Variants in PTPRM observed in about 807,000 individuals in gnomAD.
PTPRM encodes protein tyrosine phosphatase receptor type M.
PTPRM carries 47 observed loss-of-function variants against 186.7 expected under a neutral mutation model. That is an observed-to-expected ratio of 0.25 (90% CI 0.20 to 0.32). The LOEUF is 0.32. Ranked by LOEUF, PTPRM falls within the 10% of genes least tolerant of loss-of-function variation. PTPRM has a pLI of 1.00. For missense variants in PTPRM, 1,494 were observed against 1,865.0 expected (o/e 0.80, Z 3.66); for synonymous variants, 668 against 674.9 (o/e 0.99, Z 0.16).
At chr18:7,656,873 A>G (rs577199826) in intron 1 of PTPRM, among the ~76,000 whole-genome samples, 114 of 152,180 alleles carry the variant, frequency 7.5e-4, no homozygotes, top group African/African-American at 2.5e-3. Flanking sequence ...TTGCAGTAGT[A>G]GCAGCTTTAT....
At chr18:8,353,393 G>T (rs1423257851) in intron 23 of PTPRM, among the ~76,000 whole-genome samples, 1 of 152,178 alleles carries the variant, frequency 6.6e-6, no homozygotes, top group East Asian at 1.9e-4. Context: ...TTAAGAAAAG[G>T]CTGAGAAAGG....
At chr18:8,231,270 T>C (rs1288965531) in intron 14 of PTPRM, among the ~76,000 whole-genome samples, 1 of 152,086 alleles carries the variant, frequency 6.6e-6, no homozygotes, top group Non-Finnish European at 1.5e-5. Context: ...TGAATGGCAA[T>C]AGACCAGGAC....
intron 7 of PTPRM, chr18:7,995,537 A>T (rs2083488451): frequency 6.6e-6 from 1 of 152,202 alleles, no homozygotes; most frequent in Admixed American, 6.5e-5. Context: ...AAATATTAAC[A>T]TAGTAAATCC....
At chr18:8,122,774 G>A (rs773880592) in intron 13 of PTPRM, among the ~76,000 whole-genome samples, 1 of 152,188 alleles carries the variant, frequency 6.6e-6, no homozygotes, top group Admixed American at 6.5e-5. Flanking sequence ...AATCTTGGCT[G>A]CCAGTAGTAT....
At chr18:8,305,915 T>G (rs2095216548) in intron 20 of PTPRM, among the ~76,000 whole-genome samples, 2 of 148,286 alleles carry the variant, frequency 1.3e-5, no homozygotes, top group African/African-American at 5.1e-5. Context: ...TTTTTTTTTT[T>G]GGATGGAGTT....
At chr18:7,613,296 A>G (rs898956389) in intron 1 of PTPRM, among the ~76,000 whole-genome samples, 1 of 152,054 alleles carries the variant, frequency 6.6e-6, no homozygotes, top group African/African-American at 2.4e-5. Flanking sequence ...ATACAATTTA[A>G]TCCTTAATTA....
chr18:8,234,442 C>T (rs1262740725), intron 14 of PTPRM, among the ~76,000 whole-genome samples: 2 of 152,132 alleles, frequency 1.3e-5, no homozygotes, highest in African/African-American at 4.8e-5. Context: ...TATCCTGCAA[C>T]CTTGCTACAT....
At chr18:8,147,112 A>T (rs1325039525) in intron 14 of PTPRM, among the ~76,000 whole-genome samples, 1 of 152,026 alleles carries the variant, frequency 6.6e-6, no homozygotes, top group Non-Finnish European at 1.5e-5. Flanking sequence ...CTTTTTACTT[A>T]GATTGTCTTG....
intron 31 of PTPRM, among the ~76,000 whole-genome samples, chr18:8,391,890 A>C (rs139722680): frequency 1.4e-3 from 220 of 152,232 alleles, no homozygotes; most frequent in Non-Finnish European, 2.8e-3. Flanking sequence ...TTGTATAAAT[A>C]AATCAATCTT....
chr18:7,632,530 G>A (rs575240331), intron 1 of PTPRM, among the ~76,000 whole-genome samples: 13 of 152,278 alleles, frequency 8.5e-5, no homozygotes, highest in East Asian at 1.9e-4. Context: ...ACTTGGTGTC[G>A]TTTCCATGAA....
intron 14 of PTPRM, among the ~76,000 whole-genome samples, chr18:8,157,447 A>T (rs1040219615): frequency 6.6e-6 from 1 of 152,128 alleles, no homozygotes; most frequent in Non-Finnish European, 1.5e-5. Context: ...TCCTTTTCCC[A>T]TGGAGAGCAT....
chr18:8,354,158 A>G (rs998923344), intron 23 of PTPRM, among the ~76,000 whole-genome samples: 1 of 151,780 alleles, frequency 6.6e-6, no homozygotes, highest in Non-Finnish European at 1.5e-5. Flanking sequence ...GGTTGCAGTG[A>G]GCCTAGATCG....
At chr18:7,914,888 T>C (rs2050465159) in intron 4 of PTPRM, among the ~76,000 whole-genome samples, 1 of 152,160 alleles carries the variant, frequency 6.6e-6, no homozygotes, top group African/African-American at 2.4e-5. Flanking sequence ...TTTATTCTGG[T>C]GGTTGGGCAT....
intron 7 of PTPRM, among the ~76,000 whole-genome samples, chr18:8,015,687 A>G (rs1185658980): frequency 6.6e-6 from 1 of 152,204 alleles, no homozygotes; most frequent in Non-Finnish European, 1.5e-5. Context: ...GTGTTGAAGA[A>G]AGAAATAATT....
At chr18:8,218,964 G>A (rs2094121620) in intron 14 of PTPRM, among the ~76,000 whole-genome samples, 1 of 152,220 alleles carries the variant, frequency 6.6e-6, no homozygotes, top group African/African-American at 2.4e-5. Flanking sequence ...AGAGAGGGCT[G>A]AGAGTGTGGA....
intron 2 of PTPRM, among the ~76,000 whole-genome samples, chr18:7,784,806 ACAT>A (rs2043020793): frequency 6.6e-6 from 1 of 152,222 alleles, no homozygotes; most frequent in Non-Finnish European, 1.5e-5. Context: ...ATTCAGGGAG[ACAT>A]CAGCCTGCAG....
At chr18:8,164,382 A>G (rs2093284446) in intron 14 of PTPRM, among the ~76,000 whole-genome samples, 1 of 152,258 alleles carries the variant, frequency 6.6e-6, no homozygotes, top group Admixed American at 6.5e-5. Flanking sequence ...AGGGACTCAA[A>G]CAAATATTTG....
intron 5 of PTPRM, among the ~76,000 whole-genome samples, chr18:7,929,928 C>G (rs576599414): frequency 6.6e-6 from 1 of 152,176 alleles, no homozygotes; most frequent in Non-Finnish European, 1.5e-5. Context: ...CAAAATAATC[C>G]TGAGATCCAG....
At chr18:8,173,189 G>A (rs1357809258) in intron 14 of PTPRM, among the ~76,000 whole-genome samples, 1 of 152,156 alleles carries the variant, frequency 6.6e-6, no homozygotes, top group Non-Finnish European at 1.5e-5. Context: ...AACACCATAG[G>A]ATGTGTGGGT....
Sources: gnomAD v4.1 joint callset for allele counts (sites outside exome capture counted in the v4.1 genomes callset) on GRCh38, gnomAD v4.1.1 for gene constraint, MANE v1.5 for transcripts, NCBI Gene and HGNC (gene_info 2026-07-23, HGNC 2026-07-21) for gene names.